The following DNAH3 variants were observed in gnomAD, a reference collection of about 807,000 sequenced individuals.
DNAH3 encodes the protein axonemal beta dynein heavy chain 3.
Under a neutral mutation model 432.5 loss-of-function variants are expected in DNAH3, and 332 were observed. The observed-to-expected ratio is 0.77, with a 90% CI of 0.70 to 0.84. DNAH3 has a LOEUF of 0.84. Ranked by LOEUF, DNAH3 falls within the 40% of genes least tolerant of loss-of-function variation. The probability of loss-of-function intolerance (pLI) is 0.00; values close to 1 mark genes in which losing one functional copy is unlikely to be tolerated. For synonymous variants in DNAH3, 1,956 were observed against 1,900.2 expected (o/e 1.03, Z -0.76); for missense variants, 4,861 against 5,114.0 (o/e 0.95, Z 1.51).
intron 32 of DNAH3, among the ~76,000 whole-genome samples, chr16:21,041,104 C>T (rs1204154050): frequency 6.6e-6 from 1 of 152,140 alleles, no homozygotes; most frequent in Non-Finnish European, 1.5e-5. Context: ...GGACTGGTGG[C>T]TCACACCTGT....
At chr16:21,139,393 C>T (rs1021652137) in intron 5 of DNAH3, among the ~76,000 whole-genome samples, 3 of 118,638 alleles carry the variant, frequency 2.5e-5, no homozygotes, top group African/African-American at 6.6e-5. Flanking sequence ...AGTGCAGTGG[C>T]ATGATCATAG....
intron 52 of DNAH3, among the ~76,000 whole-genome samples, chr16:20,967,735 T>C (rs897442807): frequency 6.6e-6 from 1 of 151,904 alleles, no homozygotes; most frequent in African/African-American, 2.4e-5. Flanking sequence ...CTTGAACTCC[T>C]GACCTCAGGT....
chr16:21,124,640 A>G (rs1177416207), intron 9 of DNAH3, among the ~76,000 whole-genome samples: 4 of 142,626 alleles, frequency 2.8e-5, no homozygotes, highest in African/African-American at 1.0e-4. Flanking sequence ...CATCTCAAAC[A>G]TTTACTTTTT....
chr16:21,062,374 T>C, intron 25 of DNAH3, 108 bp downstream of exon 25: 1 of 839,120 alleles, frequency 1.2e-6, no homozygotes, highest in Non-Finnish European at 1.9e-6. Context: ...AGAACCCAAG[T>C]GTTCCATACC....
At chr16:20,963,399 A>T in exon 53 of DNAH3, 1 of 1,614,082 alleles carries the variant, frequency 6.2e-7, no homozygotes, top group East Asian at 2.2e-5. Flanking sequence ...GCTTTCCCAT[A>T]TGTTCAGCAA....
rs2088604674 is a variant in DNAH3 at position 21,027,056 on chromosome 16, G to A, written c.5511C>T (p.Leu1837=). The A allele has an allele frequency of 4.3e-6, 7 of 1,613,466 alleles. No individual in the cohort carries two copies. The South Asian group carries it at 4.4e-5, about 10-fold the overall frequency. ...TCACAGTGGCTGGAGAGGCTTGCTCGAGGTCGGCGGGCTCGAAGATCAGGC... is the reference window on the plus strand; with the variant it reads ...TCACAGTGGCTGGAGAGGCTTGCTCAAGGTCGGCGGGCTCGAAGATCAGGC... The change falls in exon 38 of 62, where the codon CTC becomes CTT. Residue 1837 remains leucine, a synonymous_variant. Coordinates refer to ENST00000261383, the Ensembl canonical transcript of DNAH3.
At chr16:21,121,867 C>T in intron 10 of DNAH3, 78 bp downstream of exon 11, 1 of 1,329,936 alleles carries the variant, frequency 7.5e-7, no homozygotes, top group South Asian at 1.5e-5. Context: ...AGCGACCTGA[C>T]TTGTACAACC....
At position 21,062,464 on chromosome 16, in the gene DNAH3, A is replaced by C; in HGVS notation, c.3720+18T>G. The stretch of plus-strand genomic sequence containing the variant: ...TCTGTTATGGAGAAAAGAACCAAAA[A>C]TGGGTAAGAGGAGTTACCTTGGCAT... On this transcript the variant is annotated intron_variant, in intron 25 of 61. Coordinates refer to ENST00000261383, the Ensembl canonical transcript of DNAH3. The C allele has an allele frequency of 6.2e-7, 1 of 1,611,764 alleles. No individual in the cohort carries two copies. Among genetic ancestry groups the C allele is most frequent in the East Asian group, 2.2e-5 (1 of 44,872 alleles).
intron 48 of DNAH3, among the ~76,000 whole-genome samples, chr16:20,984,208 C>CGTGTGTGTGTGT (rs142280534): frequency 6.7e-6 from 1 of 149,284 alleles, no homozygotes; most frequent in Non-Finnish European, 1.5e-5. Flanking sequence ...CGCATGCGTG[C>CGTGTGTGTGTGT]GTGTGTGTGT....
chr16:21,130,947 T>G (rs2092544368), intron 7 of DNAH3, among the ~76,000 whole-genome samples: 1 of 152,188 alleles, frequency 6.6e-6, no homozygotes, highest in Admixed American at 6.6e-5. Flanking sequence ...CTTAATTTGT[T>G]GAGCAATTAC....
intron 24 of DNAH3, 114 bp from the exon 25 acceptor site, chr16:21,062,797 C>T (rs765601384): frequency 2.6e-6 from 2 of 758,788 alleles, no homozygotes; most frequent in African/African-American, 1.8e-5. Context: ...TTATGTCTTG[C>T]GGTCTTCACA....
chr16:21,080,910 TTC>T (rs1721648257), intron 20 of DNAH3, among the ~76,000 whole-genome samples: 4 of 152,096 alleles, frequency 2.6e-5, no homozygotes, highest in Admixed American at 2.6e-4. Flanking sequence ...GAGAAAAGAC[TTC>T]TTTTTTTTTC....
At chr16:21,024,893 C>T (rs1372431426) in intron 38 of DNAH3, among the ~76,000 whole-genome samples, 192 bp from the exon 39 acceptor site, 1 of 152,122 alleles carries the variant, frequency 6.6e-6, no homozygotes, top group Non-Finnish European at 1.5e-5. Flanking sequence ...CCTTCATATA[C>T]AGTTTTATAG....
At chr16:21,009,564 T>C (rs1459709295) in intron 41 of DNAH3, among the ~76,000 whole-genome samples, 1 of 152,188 alleles carries the variant, frequency 6.6e-6, no homozygotes, top group Non-Finnish European at 1.5e-5. Flanking sequence ...TGTGGCTTGA[T>C]TTGGGAACAT....
intron 50 of DNAH3, among the ~76,000 whole-genome samples, chr16:20,978,260 G>A (rs1056672579): frequency 2.0e-5 from 3 of 152,176 alleles, no homozygotes; most frequent in Admixed American, 2.0e-4. Flanking sequence ...CCGGGCGGGT[G>A]GCTCATGCCT....
rs1567864398 is a variant in DNAH3, at chr16:21,141,386, GAAGA to G, written c.449-18_449-15del. 6.3e-7 allele frequency: 1 copy of G among 1,576,566 alleles called. No individual in the cohort carries two copies. Among genetic ancestry groups the G allele is most frequent in the Non-Finnish European group, 8.6e-7 (1 of 1,156,412 alleles). ...AGCTTCTATTTCCTGGAAGAATGGA[GAAGA>G]AAGACATCAGTGATGGGCAATGGCC... On this transcript the variant is annotated splice_polypyrimidine_tract_variant and intron_variant, in intron 3 of 61. Transcript: ENST00000261383.
At chr16:20,936,483 G>C (rs894062401) in intron 60 of DNAH3, among the ~76,000 whole-genome samples, 166 bp downstream of exon 60, 1 of 152,052 alleles carries the variant, frequency 6.6e-6, no homozygotes, top group Non-Finnish European at 1.5e-5. Flanking sequence ...GGACTTTCAA[G>C]TCTCCCTCCT....
At chr16:20,994,407 G>A (rs546279018) in intron 44 of DNAH3, among the ~76,000 whole-genome samples, 3 of 152,032 alleles carry the variant, frequency 2.0e-5, no homozygotes, top group East Asian at 1.9e-4. Context: ...CTCCAGCCTG[G>A]GCGACAAGAG....
rs1419668968 is a variant in DNAH3 at position 21,127,827 on chromosome 16, G to A, written c.1083-15C>T. Reference sequence around the variant, plus strand: ...GGTCTCTGAATCTGCCAAAAGAGAGGGAGAAATTTCCTAAGCTAAAGAACG... The same window carrying A: ...GGTCTCTGAATCTGCCAAAAGAGAGAGAGAAATTTCCTAAGCTAAAGAACG... On this transcript the variant is annotated splice_polypyrimidine_tract_variant and intron_variant, in intron 7 of 61. Coordinates refer to ENST00000261383, the Ensembl canonical transcript of DNAH3. 6.2e-6 allele frequency: 10 copies of A among 1,613,552 alleles called. No individual in the cohort carries two copies. The highest frequency in any genetic ancestry group is 3.3e-4 in the Middle Eastern group (2 of 6,084).
Sources: gnomAD v4.1 joint callset for allele counts (sites outside exome capture counted in the v4.1 genomes callset) on GRCh38, gnomAD v4.1.1 for gene constraint, MANE v1.5 for transcripts, NCBI Gene and HGNC (gene_info 2026-07-23, HGNC 2026-07-21) for gene names.